Variants in EPHA6 observed in about 807,000 individuals in gnomAD.
The protein encoded by EPHA6 is ephrin type-A receptor 6.
EPHA6 carries 50 observed loss-of-function variants against 112.0 expected under a neutral mutation model. The ratio of observed to expected loss-of-function variants is 0.45; its 90% CI spans 0.36 to 0.56. The LOEUF (loss-of-function observed/expected upper bound fraction) is 0.56. EPHA6 is among the 20% of genes least tolerant of loss of function. The pLI is 0.00. For synonymous variants in EPHA6, 529 were observed against 490.7 expected, an observed-to-expected ratio of 1.08 and a Z score of -1.03; for missense variants, 1,280 against 1,417.4, an observed-to-expected ratio of 0.90 and a Z score of 1.56.
intron 3 of EPHA6, among the ~76,000 whole-genome samples, chr3:97,048,609 G>C (rs936223550): frequency 6.6e-6 from 1 of 152,184 alleles, no homozygotes; most frequent in Non-Finnish European, 1.5e-5. Context: ...TGTGACATTA[G>C]TGATGGGTGG....
chr3:97,059,798 A>G (rs1411030385), intron 3 of EPHA6, among the ~76,000 whole-genome samples: 2 of 151,732 alleles, frequency 1.3e-5, no homozygotes, highest in Non-Finnish European at 2.9e-5. Flanking sequence ...CTCAAGTACA[A>G]ATGTGTTGAG....
At chr3:97,053,388 A>C (rs2045747951) in intron 3 of EPHA6, among the ~76,000 whole-genome samples, 1 of 152,132 alleles carries the variant, frequency 6.6e-6, no homozygotes, top group Non-Finnish European at 1.5e-5. Flanking sequence ...ACTGAGATAG[A>C]ACCAATAGAT....
At chr3:97,190,082 AG>A (rs2077261527) in intron 3 of EPHA6, among the ~76,000 whole-genome samples, 1 of 152,082 alleles carries the variant, frequency 6.6e-6, no homozygotes, top group African/African-American at 2.4e-5. Flanking sequence ...TACAGTAGGC[AG>A]GGTCAGTAGA....
chr3:97,704,659 T>C lies in EPHA6; in HGVS notation c.2785-15602T>C, dbSNP rs2033582716. Among the ~76,000 whole-genome samples the C allele has an allele frequency of 2.0e-5, 3 of 152,204 alleles. No individual in the cohort carries two copies. In the South Asian group the frequency reaches 6.2e-4, roughly 32 times the overall value. On this transcript the variant is annotated intron_variant, in intron 14 of 17. Transcript: ENST00000389672. ...CTAATACATAAATTTAAAGTGAATG[T>C]AAATGGTGCTTCTATAGTATGTGAT...
At chr3:97,705,917 C>T (rs1052264650) in intron 14 of EPHA6, among the ~76,000 whole-genome samples, 3 of 152,192 alleles carry the variant, frequency 2.0e-5, no homozygotes, top group African/African-American at 7.2e-5. Flanking sequence ...TTATGCCACG[C>T]AGTGCTCCAG....
At chr3:97,499,143 A>G (rs1560073245) in intron 10 of EPHA6, among the ~76,000 whole-genome samples, 1 of 152,060 alleles carries the variant, frequency 6.6e-6, no homozygotes, top group Non-Finnish European at 1.5e-5. Context: ...CCTTCTCTTT[A>G]CTCCCCATCC....
chr3:97,069,982 C>A (rs1376666491), intron 3 of EPHA6, among the ~76,000 whole-genome samples: 1 of 152,062 alleles, frequency 6.6e-6, no homozygotes, highest in South Asian at 2.1e-4. Context: ...GCTGTGTGGT[C>A]TTGCTCTTCT....
At chr3:97,385,315 T>A (rs2085995503) in intron 5 of EPHA6, among the ~76,000 whole-genome samples, 1 of 152,210 alleles carries the variant, frequency 6.6e-6, no homozygotes, top group Non-Finnish European at 1.5e-5. Flanking sequence ...AATATACTTA[T>A]GAACCCATAG....
intron 14 of EPHA6, among the ~76,000 whole-genome samples, chr3:97,677,721 T>TA (rs34686159): frequency 0.022 from 2,075 of 92,740 alleles, 46 homozygotes; most frequent in African/African-American, 0.058. Flanking sequence ...AACTCCATCT[T>TA]AAAAAAAAAA....
rs1382743406 is a variant in EPHA6, at chr3:97,750,840, A to G, written c.*2139A>G. ...GATGTTTCTTAAAATATACAAAAAA[A>G]GGTAGGGGGTGATGGGAAAATCATC... On this transcript the variant is annotated 3_prime_UTR_variant, in exon 18 of 18. Coordinates refer to ENST00000389672, the MANE Select transcript of EPHA6 (RefSeq NM_001080448.3). Among the ~76,000 whole-genome samples, 2 of 152,192 alleles carry G rather than the reference A, an allele frequency of 1.3e-5. No individual in the cohort carries two copies. Among genetic ancestry groups the G allele is most frequent in the Non-Finnish European group, 2.9e-5 (2 of 68,024 alleles).
At chr3:97,475,500 T>C in intron 8 of EPHA6, 40 bp downstream of exon 8, 1 of 1,377,300 alleles carries the variant, frequency 7.3e-7, no homozygotes, top group African/African-American at 1.4e-5. Context: ...GATTTATGAA[T>C]AACCACTCTT....
chr3:96,892,860 C>G (rs1417667516), intron 2 of EPHA6, among the ~76,000 whole-genome samples: 1 of 151,796 alleles, frequency 6.6e-6, no homozygotes, highest in African/African-American at 2.4e-5. Flanking sequence ...GATAAATTAT[C>G]AGTAACATAT....
intron 14 of EPHA6, among the ~76,000 whole-genome samples, chr3:97,657,038 C>T (rs1263851719): frequency 6.6e-6 from 1 of 151,884 alleles, no homozygotes; most frequent in Non-Finnish European, 1.5e-5. Context: ...TAGATTACTC[C>T]TGCCTGTATA....
intron 4 of EPHA6, among the ~76,000 whole-genome samples, chr3:97,241,755 GTTT>G (rs553996537): frequency 8.6e-6 from 1 of 116,916 alleles, no homozygotes; most frequent in Admixed American, 8.3e-5. Context: ...CAGCCTTCTT[GTTT>G]TTTTTTTTTT....
In EPHA6 at chr3:97,007,422, C is replaced by T. The variant is rs201329648; in HGVS notation, c.1114+19429C>T. Reference sequence around the variant, plus strand: ...TCTGTTTTATCAGAGATTAGGATTGCGGTCCCTGCTTTTTTTTTTTCTTTC... The same window carrying T: ...TCTGTTTTATCAGAGATTAGGATTGTGGTCCCTGCTTTTTTTTTTTCTTTC... On this transcript the variant is annotated intron_variant, in intron 3 of 17. Transcript: ENST00000389672. Among the ~76,000 whole-genome samples the T allele has an allele frequency of 2.7e-4, 28 of 101,968 alleles. No individual in the cohort carries two copies. The East Asian group carries it at 2.9e-3, about 10-fold the overall frequency. The allele number at this position is 101,968 out of a possible 152,430, so 66.9% of individuals were successfully genotyped here. A position where few individuals can be genotyped will look rare whatever the true frequency, so the allele number is the denominator to read the frequency against.
intron 3 of EPHA6, among the ~76,000 whole-genome samples, chr3:97,135,782 A>G (rs1221338132): frequency 6.6e-6 from 1 of 151,500 alleles, no homozygotes; most frequent in Non-Finnish European, 1.5e-5. Flanking sequence ...AGATTTGGCT[A>G]TGTAAGTAAG....
intron 10 of EPHA6, among the ~76,000 whole-genome samples, chr3:97,496,547 T>C (rs892578825): frequency 1.6e-4 from 25 of 152,146 alleles, no homozygotes; most frequent in Non-Finnish European, 5.9e-5. Flanking sequence ...TCATTACAAA[T>C]AACCCTTTAT....
At chr3:97,559,926 T>G (rs933150955) in intron 11 of EPHA6, among the ~76,000 whole-genome samples, 8 of 151,798 alleles carry the variant, frequency 5.3e-5, no homozygotes, top group African/African-American at 1.7e-4. Flanking sequence ...ACCATAAAAT[T>G]TATTCAGAAA....
At chr3:97,638,970 A>C (rs1185171728) in intron 14 of EPHA6, among the ~76,000 whole-genome samples, 2 of 152,020 alleles carry the variant, frequency 1.3e-5, no homozygotes. Flanking sequence ...TTTTTATTTC[A>C]TGCTCTATGA....
Sources: gnomAD v4.1 joint callset for allele counts (sites outside exome capture counted in the v4.1 genomes callset) on GRCh38, gnomAD v4.1.1 for gene constraint, MANE v1.5 for transcripts, NCBI Gene and HGNC (gene_info 2026-07-23, HGNC 2026-07-21) for gene names.